The following CCDC141 variants were observed in gnomAD, a reference collection of about 807,000 sequenced individuals.
CCDC141 encodes the protein coiled-coil domain containing 141.
CCDC141 carries 168 observed loss-of-function variants against 181.0 expected under a neutral mutation model. The observed-to-expected ratio is 0.93, with a 90% CI of 0.82 to 1.05. The LOEUF is 1.05. Ranked by LOEUF, CCDC141 falls within the 50% of genes least tolerant of loss-of-function variation. CCDC141 has a pLI of 0.00. For missense variants in CCDC141, 1,902 were observed against 1,788.5 expected, an observed-to-expected ratio of 1.06 and a Z score of -1.14; for synonymous variants, 666 against 642.3, an observed-to-expected ratio of 1.04 and a Z score of -0.56.
Position 178,950,358 on chromosome 2 carries a change from G to A in CCDC141, c.781-5707C>T, listed in dbSNP as rs1221124161. On this transcript the variant is annotated intron_variant, in intron 5 of 23. Coordinates refer to ENST00000443758, the MANE Select transcript of CCDC141 (RefSeq NM_173648.4). ...GTTTTTTTTTCTTTTTTTACAGTAG[G>A]GGAACCAGTTGCCTTTATTTTGTAT... is the stretch of plus-strand genomic sequence containing the variant. Among the ~76,000 whole-genome samples, 6 of 152,144 alleles carry A rather than the reference G, an allele frequency of 3.9e-5. No individual in the cohort carries two copies. In the South Asian group the frequency reaches 1.2e-3, roughly 32 times the overall value.
intron 21 of CCDC141, among the ~76,000 whole-genome samples, chr2:178,846,591 T>G (rs929352739): frequency 1.3e-5 from 2 of 152,336 alleles, no homozygotes; most frequent in African/African-American, 4.8e-5. Context: ...ACCGAACTGG[T>G]TTGTGCTGCT....
chr2:179,028,334 C>A (rs191984423), intron 2 of CCDC141, among the ~76,000 whole-genome samples: 21 of 152,354 alleles, frequency 1.4e-4, no homozygotes, highest in Non-Finnish European at 2.6e-4. Flanking sequence ...GCAGTCTGCT[C>A]ATTTCCTGAA....
intron 11 of CCDC141, among the ~76,000 whole-genome samples, chr2:178,884,071 T>C (rs565520490): frequency 3.3e-5 from 5 of 152,298 alleles, no homozygotes; most frequent in African/African-American, 1.2e-4. Flanking sequence ...AATTTTGTTG[T>C]ATGTTTAGGA....
At chr2:179,002,392 TA>T in intron 2 of CCDC141, 8 of 313,678 alleles carry the variant, frequency 2.6e-5, no homozygotes, top group Non-Finnish European at 4.3e-5. Flanking sequence ...TGACTTATTG[TA>T]AAAAAGGGAG....
At chr2:178,892,950 A>G (rs1177684733) in intron 8 of CCDC141, among the ~76,000 whole-genome samples, 1 of 152,156 alleles carries the variant, frequency 6.6e-6, no homozygotes, top group African/African-American at 2.4e-5. Flanking sequence ...ATGGGCTTAG[A>G]CTTCTAGCTC....
rs765684873 is a variant in CCDC141, at chr2:178,868,206, C to G, written c.2395-1G>C. 5 of 1,604,886 alleles carry G rather than the reference C, an allele frequency of 3.1e-6. No homozygotes were observed. In the South Asian group the frequency reaches 4.4e-5, roughly 14 times the overall value. On this transcript the variant is annotated splice_acceptor_variant, in intron 15 of 23. Coordinates refer to ENST00000443758, the MANE Select transcript of CCDC141 (RefSeq NM_173648.4). LOFTEE classifies it high-confidence loss of function. ...CTCTTGATTTGATGAGACGTCCCAGCTACAATTTAGGGCATTAACAATTAA... is the reference window on the plus strand; with the variant it reads ...CTCTTGATTTGATGAGACGTCCCAGGTACAATTTAGGGCATTAACAATTAA...
At chr2:179,024,948 C>T (rs771887414) in intron 2 of CCDC141, among the ~76,000 whole-genome samples, 18 of 152,006 alleles carry the variant, frequency 1.2e-4, no homozygotes, top group African/African-American at 3.4e-4. Context: ...CTTTCTTTGC[C>T]TCTTTGGGTT....
At chr2:179,044,190 G>A (rs530350596) in intron 2 of CCDC141, among the ~76,000 whole-genome samples, 11 of 152,242 alleles carry the variant, frequency 7.2e-5, no homozygotes, top group South Asian at 2.1e-4. Context: ...TTCCATGCTC[G>A]TGGATAGGAA....
At chr2:178,900,640 A>G (rs969443228) in intron 8 of CCDC141, among the ~76,000 whole-genome samples, 1 of 152,208 alleles carries the variant, frequency 6.6e-6, no homozygotes. Flanking sequence ...CAGAATGTAT[A>G]AAAAATAAAA....
chr2:178,998,690 T>C (rs1692397009), intron 2 of CCDC141, among the ~76,000 whole-genome samples: 1 of 152,168 alleles, frequency 6.6e-6, no homozygotes, highest in Admixed American at 6.5e-5. Context: ...CAGTGCACTC[T>C]GATTTTTCTT....
At chr2:179,025,339 A>C (rs914758992) in intron 2 of CCDC141, among the ~76,000 whole-genome samples, 4 of 152,130 alleles carry the variant, frequency 2.6e-5, no homozygotes, top group Non-Finnish European at 5.9e-5. Flanking sequence ...TGTGGGAGGA[A>C]CCCAGTGGGA....
chr2:179,009,932 G>A (rs1033078281), intron 2 of CCDC141, among the ~76,000 whole-genome samples: 2 of 152,014 alleles, frequency 1.3e-5, no homozygotes, highest in Non-Finnish European at 2.9e-5. Flanking sequence ...AATATTAAAG[G>A]AAATAGATAG....
chr2:178,931,477 A>G (rs958319831), intron 6 of CCDC141, among the ~76,000 whole-genome samples: 1 of 152,240 alleles, frequency 6.6e-6, no homozygotes, highest in East Asian at 1.9e-4. Context: ...ATACAATGGA[A>G]TATTATTCAG....
At chr2:179,006,547 G>A (rs2042127824) in intron 2 of CCDC141, among the ~76,000 whole-genome samples, 1 of 152,148 alleles carries the variant, frequency 6.6e-6, no homozygotes, top group African/African-American at 2.4e-5. Context: ...ATTAATTTAT[G>A]CAACAGATAA....
intron 2 of CCDC141, among the ~76,000 whole-genome samples, chr2:179,015,105 A>ATAATATATATATATACATATATATATAT (rs2042416930): frequency 4.7e-5 from 1 of 21,354 alleles, no homozygotes. Context: ...TATATATATA[A>ATAATATATATATATACATATATATATAT]TATATATATA....
At chr2:179,011,024 G>A (rs1383829502) in intron 2 of CCDC141, among the ~76,000 whole-genome samples, 1 of 152,022 alleles carries the variant, frequency 6.6e-6, no homozygotes, top group African/African-American at 2.4e-5. Context: ...CAGGTGTGAT[G>A]GCACACACCT....
At position 178,982,589 on chromosome 2, in the gene CCDC141, C is replaced by T. The variant is rs185025565; in HGVS notation, c.226-3914G>A. On this transcript the variant is annotated intron_variant, in intron 2 of 23. Coordinates refer to ENST00000443758, the MANE Select transcript of CCDC141 (RefSeq NM_173648.4). ...TCACTAGGGAGTGCCAGACAGGGGG[C>T]GCAGGTCAGTGGGTGCACGCACCAT... is the stretch of plus-strand genomic sequence containing the variant. Among the ~76,000 whole-genome samples the T allele has an allele frequency of 4.9e-3, 740 of 152,240 alleles. 4 individuals carry two copies. Among genetic ancestry groups the T allele is most frequent in the Non-Finnish European group, 8.0e-3 (544 of 68,014 alleles).
At chr2:178,982,616 T>C (rs4308154) in intron 2 of CCDC141, among the ~76,000 whole-genome samples, 79,355 of 152,046 alleles carry the variant, frequency 0.52, 22,171 homozygotes, top group East Asian at 0.84. Context: ...ACGCACCATG[T>C]GCGAACCGAA....
At chr2:178,922,299 A>G (rs979541825) in intron 6 of CCDC141, among the ~76,000 whole-genome samples, 2 of 152,218 alleles carry the variant, frequency 1.3e-5, no homozygotes, top group African/African-American at 4.8e-5. Context: ...ACTGGGGCCA[A>G]GGGAGATTAC....
Sources: gnomAD v4.1 joint callset for allele counts (sites outside exome capture counted in the v4.1 genomes callset) on GRCh38, gnomAD v4.1.1 for gene constraint, MANE v1.5 for transcripts, NCBI Gene and HGNC (gene_info 2026-07-23, HGNC 2026-07-21) for gene names.